Variants in BST1 observed in about 807,000 individuals in gnomAD.
BST1 encodes bone marrow stromal cell antigen 1.
In BST1, 49 loss-of-function variants were observed where a neutral mutation model predicts 40.6. That is an observed-to-expected ratio of 1.21 (90% confidence interval 0.96 to 1.53). BST1 has a LOEUF of 1.53. Ranked by LOEUF, BST1 falls within the 40% of genes most tolerant of loss-of-function variation. BST1 has a pLI of 0.00. For missense variants in BST1, 423 were observed against 395.9 expected (o/e 1.07, Z -0.58); for synonymous variants, 157 against 159.3 (o/e 0.99, Z 0.11).
the BST1 span, among the ~76,000 whole-genome samples, chr4:15,748,162 CA>C: frequency 6.6e-6 from 1 of 152,188 alleles, no homozygotes; most frequent in East Asian, 1.9e-4. Flanking sequence ...ATTATCAGTC[CA>C]ACACCATTCT....
the BST1 span, among the ~76,000 whole-genome samples, chr4:15,768,014 T>C: frequency 6.6e-6 from 1 of 152,166 alleles, no homozygotes; most frequent in South Asian, 2.1e-4. Context: ...AGCTTTGTGG[T>C]ATGGAAAAAC....
chr4:15,721,157 G>T (rs193057476), intron 7 of BST1, among the ~76,000 whole-genome samples: 2 of 152,242 alleles, frequency 1.3e-5, no homozygotes, highest in African/African-American at 4.8e-5. Flanking sequence ...TATAATGAAA[G>T]GTATAAATGG....
chr4:15,737,373 A>G (rs1403745354), downstream of BST1, among the ~76,000 whole-genome samples: 2 of 152,138 alleles, frequency 1.3e-5, no homozygotes, highest in African/African-American at 4.8e-5. Flanking sequence ...TTATTATCCT[A>G]TTTTACAGAT....
intron 8 of BST1, among the ~76,000 whole-genome samples, chr4:15,726,517 A>G (rs1721122011): frequency 6.6e-6 from 1 of 152,238 alleles, no homozygotes; most frequent in Admixed American, 6.5e-5. Context: ...TGCAAGAAAA[A>G]GAATCCTTGT....
the BST1 span, among the ~76,000 whole-genome samples, chr4:15,748,509 T>A: frequency 2.0e-5 from 3 of 152,130 alleles, no homozygotes; most frequent in Admixed American, 6.5e-5. Flanking sequence ...CCCCATCCCA[T>A]CTCAGGGTCT....
At chr4:15,738,013 T>A (rs1188032324) in exon 7 of BST1, 1 of 348,046 alleles carries the variant, frequency 2.9e-6, no homozygotes, top group East Asian at 7.5e-5. Flanking sequence ...GTGAAAATAC[T>A]CTGCATGATA....
rs1323372315 is a variant in BST1 at position 15,705,656 on chromosome 4, A to G, written c.315+15A>G. 5.0e-6 allele frequency: 8 copies of G among 1,613,396 alleles called. No individual in the cohort carries two copies. Among genetic ancestry groups the G allele is most frequent in the East Asian group, 2.2e-5 (1 of 44,862 alleles). On this transcript the variant is annotated intron_variant, in intron 2 of 8. Coordinates refer to ENST00000265016, the MANE Select transcript of BST1 (RefSeq NM_004334.3). ...CCAGAGATAAGGTAACACCACAACC[A>G]TCTTGGGTAAAACTGTGTTCTCTGT...
the BST1 span, among the ~76,000 whole-genome samples, chr4:15,755,286 GCA>G: frequency 6.6e-6 from 1 of 152,032 alleles, no homozygotes; most frequent in Admixed American, 6.5e-5. Context: ...TTACAGGTGT[GCA>G]CCACCACGCC....
downstream of BST1, among the ~76,000 whole-genome samples, chr4:15,734,950 C>T (rs533013592): frequency 6.6e-6 from 1 of 152,134 alleles, no homozygotes; most frequent in Non-Finnish European, 1.5e-5. Context: ...TCCATGAAAA[C>T]CTGGCATGGT....
At chr4:15,707,886 T>TATAC (rs1553863557) in intron 3 of BST1, among the ~76,000 whole-genome samples, 3 of 148,298 alleles carry the variant, frequency 2.0e-5, no homozygotes, top group African/African-American at 7.4e-5. Context: ...CACATATATA[T>TATAC]ACACATATAT....
chr4:15,737,765 G>A (rs752911964), downstream of BST1: 4 of 1,283,916 alleles, frequency 3.1e-6, no homozygotes, highest in South Asian at 2.5e-5. Flanking sequence ...TTGGTAACAA[G>A]GTACTTTCTG....
chr4:15,739,367 T>G (rs1029198834), downstream of BST1, among the ~76,000 whole-genome samples: 2 of 152,244 alleles, frequency 1.3e-5, no homozygotes, highest in Non-Finnish European at 2.9e-5. Flanking sequence ...AATATAGTTT[T>G]GTTTTTCCCC....
chr4:15,703,322 C>T lies in BST1; in HGVS notation c.178C>T (p.Pro60Ser), dbSNP rs1277695525. 2 of 1,511,958 alleles carry T rather than the reference C, an allele frequency of 1.3e-6. No homozygotes were observed. Among genetic ancestry groups the T allele is most frequent in the Admixed American group, 2.2e-5 (1 of 46,414 alleles). 93.7% of individuals were successfully genotyped at this position (1,511,958 alleles called of 1,614,324 possible). A position where few individuals can be genotyped will look rare whatever the true frequency, so the allele number is the denominator to read the frequency against. ...CGCCGAGTACCGCGCACTGCTGAGT[C>T]CCGAGCAGCGGTGAGGCAGTCGGCC... ...RCAEYRALLS[P>S]EQRNKNCTAI... is the part of the protein sequence containing the mutation. The change falls in exon 1 of 9, where the codon CCC becomes TCC. Residue 60 changes from proline to serine, a missense_variant. Transcript: ENST00000265016.
chr4:15,719,839 T>C (rs1483634032), intron 7 of BST1, among the ~76,000 whole-genome samples: 1 of 152,142 alleles, frequency 6.6e-6, no homozygotes, highest in East Asian at 1.9e-4. Flanking sequence ...TCCCTCCCAC[T>C]CCATGCCTCC....
At chr4:15,717,363 C>T (rs565361561) in intron 6 of BST1, among the ~76,000 whole-genome samples, 10 of 152,194 alleles carry the variant, frequency 6.6e-5, no homozygotes, top group Non-Finnish European at 1.5e-4. Context: ...TGTTTACCAT[C>T]CCATTTCATG....
chr4:15,707,263 C>T (rs921717186), intron 2 of BST1, among the ~76,000 whole-genome samples: 11 of 152,052 alleles, frequency 7.2e-5, no homozygotes, highest in Non-Finnish European at 2.9e-5. Context: ...ACCACATGCA[C>T]GTATATTTAG....
chr4:15,761,922 G>A, the BST1 span, among the ~76,000 whole-genome samples: 20 of 151,830 alleles, frequency 1.3e-4, no homozygotes, highest in South Asian at 2.1e-3. Flanking sequence ...TAATTCGGCC[G>A]GGCGCGGTGG....
At chr4:15,735,999 G>A (rs1445923823), downstream of BST1, 16 of 1,093,376 alleles carry the variant, frequency 1.5e-5, no homozygotes, top group Non-Finnish European at 1.8e-5. Context: ...CATACTGCAC[G>A]CAGAGTAGCA....
At chr4:15,765,177 C>G in the BST1 span, among the ~76,000 whole-genome samples, 1 of 151,946 alleles carries the variant, frequency 6.6e-6, no homozygotes, top group African/African-American at 2.4e-5. Context: ...CTTGACATAC[C>G]TCCAATGAAT....
Sources: allele counts gnomAD v4.1 joint callset (sites outside exome capture counted in the v4.1 genomes callset), GRCh38; gene constraint gnomAD v4.1.1; transcripts MANE v1.5; gene names NCBI Gene and HGNC (gene_info 2026-07-23, HGNC 2026-07-21).